Variants in RSAD1 observed in about 807,000 individuals in gnomAD.
The protein encoded by RSAD1 is radical S-adenosyl methionine domain containing 1, also known as radical S-adenosyl methionine domain-containing protein 1, mitochondrial.
RSAD1 carries 34 observed loss-of-function variants against 46.2 expected under a neutral mutation model. That is an observed-to-expected ratio of 0.74 (90% CI 0.56 to 0.98). The LOEUF is 0.98. RSAD1 is among the 50% of genes least tolerant of loss of function. The pLI, the probability that RSAD1 is intolerant of heterozygous loss-of-function variation, is 0.00. For synonymous variants in RSAD1, 260 were observed against 253.5 expected (o/e 1.03, Z -0.24); for missense variants, 635 against 592.3 (o/e 1.07, Z -0.75).
At chr17:50,483,188 A>AT in intron 5 of RSAD1, 152 bp from the exon 6 acceptor site, 1 of 925,230 alleles carries the variant, frequency 1.1e-6, no homozygotes, top group Non-Finnish European at 1.5e-6. Context: ...AAAAAAAAAA[A>AT]AAAAGAAAGA....
rs766924704 is a variant in RSAD1 at position 50,478,982 on chromosome 17, C to T, written c.98C>T (p.Pro33Leu). The change falls in exon 1 of 9, where the codon CCT (proline) becomes CTT (leucine). Residue 33 changes from proline to leucine, a missense_variant. Physicochemically the swap from Pro to Leu is moderately conservative, Grantham distance 98. Coordinates refer to ENST00000258955, the MANE Select transcript of RSAD1 (RefSeq NM_018346.3). ...GAGAACGCAGGAGGGTCCCCGAGTC[C>T]TGAGCCTGCGGGCCGGCGCGCGGCG... ...RVENAGGSPSPEPAGRRAALY... is the reference protein window; with the variant it reads ...RVENAGGSPSLEPAGRRAALY... 13 of 1,393,880 alleles carry T rather than the reference C, an allele frequency of 9.3e-6. No homozygotes were observed. The Admixed American group carries it at 2.9e-4, about 31-fold the overall frequency. The allele number at this position is 1,393,880 out of a possible 1,614,324, so 86.3% of individuals were successfully genotyped here. A position where few individuals can be genotyped will look rare whatever the true frequency, so the allele number is the denominator to read the frequency against.
intron 4 of RSAD1, 90 bp from the exon 5 acceptor site, chr17:50,482,553 T>C (rs2033394623): frequency 1.2e-6 from 2 of 1,612,438 alleles, no homozygotes; most frequent in East Asian, 4.5e-5. Context: ...CTGGCCGAGA[T>C]GGTGGGACAT....
chr17:50,478,899 A>G lies in RSAD1; in HGVS notation c.15A>G (p.Gly5=). Residue 5 remains glycine, a synonymous_variant, in exon 1 of 9, where the codon GGA becomes GGG. Transcript: ENST00000258955. The part of the protein sequence containing the change: MALP[G]ARARGWAAAA... ...CGCTGGGCGCCATGGCGCTCCCCGGAGCCCGGGCTCGCGGCTGGGCGGCAG... is the reference window on the plus strand; with the variant it reads ...CGCTGGGCGCCATGGCGCTCCCCGGGGCCCGGGCTCGCGGCTGGGCGGCAG... The G allele has an allele frequency of 3.0e-6, 4 of 1,313,732 alleles. No individual in the cohort carries two copies. The highest frequency in any genetic ancestry group is 1.5e-5 in the African/African-American group (1 of 64,766). The allele number at this position is 1,313,732 out of a possible 1,614,324, so 81.4% of individuals were successfully genotyped here. A position where few individuals can be genotyped will look rare whatever the true frequency, so the allele number is the denominator to read the frequency against.
intron 8 of RSAD1, 91 bp downstream of exon 8, chr17:50,484,636 C>CT (rs2033428974): frequency 6.6e-7 from 1 of 1,526,358 alleles, no homozygotes; most frequent in Admixed American, 1.7e-5. Flanking sequence ...GTGAGAAAGA[C>CT]TGACTGGTAA....
At chr17:50,484,418 C>T (rs1485240727) in intron 7 of RSAD1, 24 bp from the exon 8 acceptor site, 1 of 1,608,962 alleles carries the variant, frequency 6.2e-7, no homozygotes, top group Non-Finnish European at 8.5e-7. Context: ...CAGCTCCCCA[C>T]CTCTGACCCT....
At chr17:50,483,993 G>A in intron 7 of RSAD1, 1 of 526,914 alleles carries the variant, frequency 1.9e-6, no homozygotes, top group South Asian at 2.9e-5. Context: ...TCATTTTACT[G>A]CAACCTTGGA....
chr17:50,485,027 A>G lies in RSAD1; in HGVS notation c.*166A>G. The G allele has an allele frequency of 1.7e-6, 1 of 605,414 alleles. No individual in the cohort carries two copies. The highest frequency in any genetic ancestry group is 3.0e-6 in the Non-Finnish European group (1 of 338,338). 37.5% of individuals were successfully genotyped at this position (605,414 alleles called of 1,614,324 possible). ...GCAGCAGTGAGGTAGATGGGAGGAC[A>G]TTTCTGGTCAGGGAACTGGCATCCC... is the stretch of plus-strand genomic sequence containing the variant. On this transcript the variant is annotated 3_prime_UTR_variant, in exon 9 of 9. Transcript: ENST00000258955.
Position 50,479,963 on chromosome 17 carries a change from A to C in RSAD1, c.353A>C (p.Gln118Pro). The C allele has an allele frequency of 6.2e-7, 1 of 1,614,156 alleles. No individual in the cohort carries two copies. Among genetic ancestry groups the C allele is most frequent in the Non-Finnish European group, 8.5e-7 (1 of 1,180,026 alleles). The change falls in exon 3 of 9, where the codon CAG (glutamine) becomes CCG (proline). Residue 118 changes from glutamine to proline, a missense_variant. Physicochemically the swap from Gln to Pro is moderately conservative, Grantham distance 76 (BLOSUM62 -1). Coordinates refer to ENST00000258955, the MANE Select transcript of RSAD1 (RefSeq NM_018346.3). ...GCTGCTGTCCTGGAGGCTGTGGCAC[A>C]GGCAGCCCACCTGCCTGCAGACTTG... ...TVAAVLEAVA[Q>P]AAHLPADLEV... is the part of the protein sequence containing the mutation.
At chr17:50,482,840 A>T in intron 5 of RSAD1, 134 bp downstream of exon 5, 1 of 746,844 alleles carries the variant, frequency 1.3e-6, no homozygotes, top group East Asian at 2.6e-5. Context: ...ACCTCCCTAT[A>T]GAACTGTTGA....
Position 50,482,372 on chromosome 17 carries a change from C to G in RSAD1, c.756C>G (p.Leu252=). The part of the protein sequence containing the change: ...RGALPAPDPE[L]AAEMYQRGRA... The stretch of plus-strand genomic sequence containing the variant: ...CCCTTCCAGCCCCTGACCCGGAGCT[C>G]GCAGCTGAGATGTACCAGAGGGGCC... Residue 252 remains leucine (L), a synonymous_variant, in exon 4 of 9, where the codon CTC becomes CTG. Coordinates refer to ENST00000258955, the MANE Select transcript of RSAD1 (RefSeq NM_018346.3). 4 of 1,609,560 alleles carry G rather than the reference C, an allele frequency of 2.5e-6. No homozygotes were observed. The highest frequency in any genetic ancestry group is 3.4e-6 in the Non-Finnish European group (4 of 1,178,148).
intron 1 of RSAD1, 172 bp downstream of exon 1, chr17:50,479,191 G>T (rs2033348076): frequency 2.8e-6 from 2 of 702,402 alleles, no homozygotes; most frequent in South Asian, 9.1e-5. Flanking sequence ...GAAATGACTT[G>T]GTCCAGAAAC....
intron 8 of RSAD1, 80 bp downstream of exon 8, chr17:50,484,625 A>C: frequency 1.3e-6 from 2 of 1,538,578 alleles, no homozygotes; most frequent in Non-Finnish European, 1.8e-6. Flanking sequence ...ACCCAGGAGA[A>C]GTGAGAAAGA....
intron 7 of RSAD1, 96 bp from the exon 8 acceptor site, chr17:50,484,346 C>A: frequency 9.5e-7 from 1 of 1,054,418 alleles, no homozygotes; most frequent in Non-Finnish European, 1.4e-6. Context: ...GATCTCCATG[C>A]TGAACTGGAC....
chr17:50,479,849 C>T (rs765950437), intron 2 of RSAD1, 31 bp from the exon 3 acceptor site: 1 of 1,599,556 alleles, frequency 6.3e-7, no homozygotes, highest in Non-Finnish European at 8.5e-7. Context: ...AGGGCTCCCC[C>T]AGGTCTCATT....
Sources: allele counts gnomAD v4.1 joint callset, GRCh38; gene constraint gnomAD v4.1.1; transcripts MANE v1.5; gene names NCBI Gene and HGNC (gene_info 2026-07-23, HGNC 2026-07-21).